The following SMYD3 variants were observed in gnomAD, a reference collection of about 807,000 sequenced individuals.
SMYD3 encodes SET and MYND domain containing 3, also known as histone-lysine N-methyltransferase SMYD3.
In SMYD3, 36 loss-of-function variants were observed where a neutral mutation model predicts 57.7. That is an observed-to-expected ratio of 0.62 (90% CI 0.48 to 0.82). The LOEUF (loss-of-function observed/expected upper bound fraction) is 0.82, where lower values mean the gene tolerates loss of function less well. SMYD3 is among the 40% of genes least tolerant of loss of function. The probability of loss-of-function intolerance (pLI) is 0.00; values close to 1 mark genes in which losing one functional copy is unlikely to be tolerated. For missense variants in SMYD3, 515 were observed against 538.8 expected (o/e 0.96, Z 0.44); for synonymous variants, 211 against 195.0 (o/e 1.08, Z -0.68).
intron 5 of SMYD3, among the ~76,000 whole-genome samples, chr1:246,047,450 G>C (rs1285601776): frequency 6.6e-6 from 1 of 152,194 alleles, no homozygotes; most frequent in Non-Finnish European, 1.5e-5. Context: ...TAGCATATGT[G>C]CATCTCCACC....
chr1:246,449,889 A>G (rs1298681138), intron 1 of SMYD3, among the ~76,000 whole-genome samples: 2 of 152,192 alleles, frequency 1.3e-5, no homozygotes, highest in African/African-American at 4.8e-5. Context: ...TATTGGGAGT[A>G]TAGAGCCAAG....
intron 5 of SMYD3, among the ~76,000 whole-genome samples, chr1:246,164,576 T>C (rs528139940): frequency 3.9e-5 from 6 of 152,248 alleles, no homozygotes; most frequent in East Asian, 1.9e-4. Flanking sequence ...CTACAACACA[T>C]GGACGGGGGC....
chr1:245,985,489 C>A (rs4654180), intron 5 of SMYD3, among the ~76,000 whole-genome samples: 16,693 of 152,120 alleles, frequency 0.11, 1,012 homozygotes, highest in South Asian at 0.23. Context: ...CTCATGCAAA[C>A]CACCTTTATG....
intron 5 of SMYD3, among the ~76,000 whole-genome samples, chr1:246,253,154 A>G (rs1377739615): frequency 2.6e-5 from 4 of 152,162 alleles, no homozygotes; most frequent in Admixed American, 6.5e-5. Context: ...AAGGGGGTAC[A>G]TGCGCAGGTT....
At chr1:246,279,110 T>C (rs1015754006) in intron 5 of SMYD3, among the ~76,000 whole-genome samples, 1 of 152,180 alleles carries the variant, frequency 6.6e-6, no homozygotes, top group African/African-American at 2.4e-5. Context: ...CAGTACCTAC[T>C]GTCCTTTAAA....
At chr1:246,099,452 T>G (rs755542226) in intron 5 of SMYD3, among the ~76,000 whole-genome samples, 2 of 152,120 alleles carry the variant, frequency 1.3e-5, no homozygotes, top group African/African-American at 2.4e-5. Flanking sequence ...TCCCGAACAA[T>G]CAAGCTTCAA....
At chr1:245,821,599 G>C (rs1196169821) in intron 10 of SMYD3, among the ~76,000 whole-genome samples, 4 of 143,120 alleles carry the variant, frequency 2.8e-5, no homozygotes, top group Admixed American at 2.1e-4. Context: ...TACCATCAGA[G>C]TGAACAGGCA....
intron 1 of SMYD3, among the ~76,000 whole-genome samples, chr1:246,489,036 TGGTA>T: frequency 6.6e-6 from 1 of 151,996 alleles, no homozygotes; most frequent in East Asian, 1.9e-4. Flanking sequence ...GGGAGGTGAA[TGGTA>T]GGTCACTTCT....
chr1:246,507,228 C>A lies in SMYD3; in HGVS notation c.-11G>T. Reference sequence around the variant, plus strand: ...CTTCAGCGGCTCCATCCTCCCGCAGCTCCGGCACCTCAGACGGCTACCCGC... The same window carrying A: ...CTTCAGCGGCTCCATCCTCCCGCAGATCCGGCACCTCAGACGGCTACCCGC... On this transcript the variant is annotated 5_prime_UTR_variant, in exon 1 of 12. Transcript: ENST00000490107. 1.3e-6 allele frequency: 2 copies of A among 1,511,462 alleles called. No homozygotes were observed. Among genetic ancestry groups the A allele is most frequent in the Non-Finnish European group, 8.9e-7 (1 of 1,127,214 alleles). The allele number at this position is 1,511,462 out of a possible 1,614,324, so 93.6% of individuals were successfully genotyped here. A position where few individuals can be genotyped will look rare whatever the true frequency, so the allele number is the denominator to read the frequency against.
chr1:246,187,297 A>AAAAAG (rs977365477), intron 5 of SMYD3, among the ~76,000 whole-genome samples: 3 of 152,022 alleles, frequency 2.0e-5, no homozygotes, highest in Non-Finnish European at 2.9e-5. Flanking sequence ...CAAAAAAAAA[A>AAAAAG]AAAAGAAAAG....
chr1:246,485,735 G>C (rs1470662939), intron 1 of SMYD3, among the ~76,000 whole-genome samples: 1 of 151,998 alleles, frequency 6.6e-6, no homozygotes, highest in East Asian at 1.9e-4. Context: ...AGCTGTAGTG[G>C]GCTAGGATCA....
chr1:245,980,088 C>A (rs535439663), intron 5 of SMYD3, among the ~76,000 whole-genome samples: 1 of 152,030 alleles, frequency 6.6e-6, no homozygotes, highest in African/African-American at 2.4e-5. Flanking sequence ...GTCGGCCTCA[C>A]AGATGAGGAT....
intron 5 of SMYD3, among the ~76,000 whole-genome samples, chr1:246,093,494 T>C (rs554147514): frequency 6.6e-6 from 1 of 152,324 alleles, no homozygotes; most frequent in South Asian, 2.1e-4. Context: ...GAGGACATTA[T>C]GTTAAGTGAA....
In SMYD3 at chr1:246,154,684, T is replaced by C. The variant is rs147449120; in HGVS notation, c.531+172517A>G. Among the ~76,000 whole-genome samples, 210 of 152,330 alleles carry C rather than the reference T, an allele frequency of 1.4e-3. 1 individual carries two copies. The highest frequency in any genetic ancestry group is 9.5e-3 in the Admixed American group (146 of 15,306). ...GAAACAGCTCTTGGTTTATTGTTCATTGTTCCCCACACTTAGTTAATGTGT... is the reference window on the plus strand; with the variant it reads ...GAAACAGCTCTTGGTTTATTGTTCACTGTTCCCCACACTTAGTTAATGTGT... On this transcript the variant is annotated intron_variant, in intron 5 of 11. Transcript: ENST00000490107.
At chr1:245,791,264 G>A (rs889817439) in intron 10 of SMYD3, among the ~76,000 whole-genome samples, 5 of 152,172 alleles carry the variant, frequency 3.3e-5, no homozygotes, top group African/African-American at 4.8e-5. Flanking sequence ...GGGGGAAAGA[G>A]AGCCTATTAT....
At chr1:246,462,580 G>C (rs540967862) in intron 1 of SMYD3, among the ~76,000 whole-genome samples, 1 of 152,124 alleles carries the variant, frequency 6.6e-6, no homozygotes, top group African/African-American at 2.4e-5. Flanking sequence ...TGACCCCGAG[G>C]CTCGGAGGGC....
At chr1:246,164,961 A>G (rs2062181851) in intron 5 of SMYD3, among the ~76,000 whole-genome samples, 1 of 152,238 alleles carries the variant, frequency 6.6e-6, no homozygotes, top group Admixed American at 6.5e-5. Context: ...AAGCTACAGG[A>G]ATCAGTAAGG....
At chr1:246,378,727 A>ATATATAATATAT (rs1339003753) in intron 1 of SMYD3, among the ~76,000 whole-genome samples, 1 of 25,330 alleles carries the variant, frequency 3.9e-5, no homozygotes, top group Admixed American at 5.6e-4. Flanking sequence ...ATAATATATT[A>ATATATAATATAT]TATATTATAT....
intron 1 of SMYD3, among the ~76,000 whole-genome samples, chr1:246,365,006 A>G (rs535440653): frequency 6.6e-6 from 1 of 152,342 alleles, no homozygotes; most frequent in Non-Finnish European, 1.5e-5. Context: ...TGAAAAAAAG[A>G]GACTTGAAGG....
Sources: allele counts gnomAD v4.1 joint callset (sites outside exome capture counted in the v4.1 genomes callset), GRCh38; gene constraint gnomAD v4.1.1; transcripts MANE v1.5; gene names NCBI Gene and HGNC (gene_info 2026-07-23, HGNC 2026-07-21).